Variants in VPS35L observed in about 807,000 individuals in gnomAD.
VPS35L encodes the protein VPS35 endosomal protein-sorting factor-like.
A neutral mutation model predicts 133.0 loss-of-function variants in VPS35L; 83 were observed. That is an observed-to-expected ratio of 0.62 (90% confidence interval 0.52 to 0.75). The LOEUF (loss-of-function observed/expected upper bound fraction) is 0.75, where lower values mean the gene tolerates loss of function less well. Among genes scored for constraint, VPS35L ranks in the 30% least tolerant of loss-of-function variants. The pLI, the probability that VPS35L is intolerant of heterozygous loss-of-function variation, is 0.00. For missense variants in VPS35L, 1,083 were observed against 1,206.8 expected (o/e 0.90, Z 1.52); for synonymous variants, 423 against 449.9 (o/e 0.94, Z 0.76).
At chr16:19,613,157 G>T (rs994692069) in intron 12 of VPS35L, among the ~76,000 whole-genome samples, 4 of 152,114 alleles carry the variant, frequency 2.6e-5, no homozygotes, top group Admixed American at 6.6e-5. Flanking sequence ...CAAAAAATTA[G>T]CCGGGCGTGG....
rs1218260142 is a variant in VPS35L, at chr16:19,669,282, A to G, written c.2344A>G (p.Thr782Ala). 3.7e-6 allele frequency: 6 copies of G among 1,611,438 alleles called. No homozygotes were observed. Among genetic ancestry groups the G allele is most frequent in the Middle Eastern group, 1.7e-4 (1 of 6,050 alleles). The stretch of plus-strand genomic sequence containing the variant: ...GGAATTCCTCTGCAATTTCTTTTCT[A>G]CTTTATTAATAGTTCCGGTACGTTT... ...LLEFLCNFFS[T>A]LLIVPDHPEH... is the part of the protein sequence containing the mutation. Residue 782 changes from threonine (T) to alanine (A), a missense_variant, in exon 27 of 31, where the codon ACT (threonine) becomes GCT (alanine). Physicochemically the swap from Thr to Ala is moderately conservative, Grantham distance 58. Coordinates refer to ENST00000417362, the MANE Select transcript of VPS35L (RefSeq NM_020314.7).
chr16:19,634,435 A>G (rs796860269), intron 19 of VPS35L, among the ~76,000 whole-genome samples: 3 of 142,304 alleles, frequency 2.1e-5, no homozygotes, highest in Non-Finnish European at 4.6e-5. Context: ...AAAAAAAAAA[A>G]CCCACTAATG....
intron 23 of VPS35L, among the ~76,000 whole-genome samples, chr16:19,647,158 C>T (rs1262405091): frequency 6.6e-6 from 1 of 152,180 alleles, no homozygotes; most frequent in Non-Finnish European, 1.5e-5. Flanking sequence ...TCCCAAGTCG[C>T]TCTCCTTTGC....
chr16:19,580,029 G>A (rs529901946), intron 6 of VPS35L, among the ~76,000 whole-genome samples: 330 of 150,628 alleles, frequency 2.2e-3, no homozygotes, highest in Non-Finnish European at 3.2e-3. Context: ...GTGAAACCCC[G>A]TCTCTACTAA....
chr16:19,577,634 A>G (rs746700769), intron 5 of VPS35L, among the ~76,000 whole-genome samples: 7 of 151,418 alleles, frequency 4.6e-5, no homozygotes, highest in Non-Finnish European at 2.9e-5. Flanking sequence ...GCCTAACCCC[A>G]CTCCCCTGCC....
At chr16:19,634,721 ACC>A (rs1391872431) in intron 19 of VPS35L, among the ~76,000 whole-genome samples, 1 of 152,210 alleles carries the variant, frequency 6.6e-6, no homozygotes, top group Non-Finnish European at 1.5e-5. Context: ...GTGTATGCTA[ACC>A]CTGGGAAGAA....
chr16:19,570,752 A>G (rs1971334975), intron 3 of VPS35L, among the ~76,000 whole-genome samples: 2 of 149,666 alleles, frequency 1.3e-5, no homozygotes, highest in African/African-American at 4.9e-5. Flanking sequence ...TAGAGATAAC[A>G]AGTCACATCC....
intron 28 of VPS35L, among the ~76,000 whole-genome samples, chr16:19,684,308 A>G (rs895380066): frequency 6.6e-6 from 1 of 152,172 alleles, no homozygotes. Flanking sequence ...GGATTCCAAA[A>G]ATTGGTCTTA....
intron 14 of VPS35L, among the ~76,000 whole-genome samples, chr16:19,618,487 A>G (rs1014911157): frequency 1.2e-4 from 18 of 152,196 alleles, no homozygotes; most frequent in Non-Finnish European, 2.4e-4. Flanking sequence ...TGATCTGTAC[A>G]TACTGACGTA....
At chr16:19,634,595 G>A (rs569638442) in intron 19 of VPS35L, among the ~76,000 whole-genome samples, 4 of 152,258 alleles carry the variant, frequency 2.6e-5, no homozygotes, top group African/African-American at 9.6e-5. Flanking sequence ...ATGCTGAATA[G>A]ATAAATAGAT....
At chr16:19,679,487 A>G (rs1231560035) in intron 27 of VPS35L, among the ~76,000 whole-genome samples, 1 of 132,172 alleles carries the variant, frequency 7.6e-6, no homozygotes, top group Non-Finnish European at 1.6e-5. Flanking sequence ...TTATTTATTT[A>G]TTTATTTATT....
At chr16:19,570,095 C>T (rs1971314943) in intron 3 of VPS35L, among the ~76,000 whole-genome samples, 1 of 151,912 alleles carries the variant, frequency 6.6e-6, no homozygotes. Context: ...TTTTTTCAGA[C>T]AGCCTTGCTG....
At chr16:19,597,714 T>C (rs556739358) in intron 8 of VPS35L, among the ~76,000 whole-genome samples, 1 of 152,298 alleles carries the variant, frequency 6.6e-6, no homozygotes, top group East Asian at 1.9e-4. Context: ...TGAATAATAT[T>C]CCTCAGGACT....
intron 18 of VPS35L, among the ~76,000 whole-genome samples, chr16:19,630,427 G>A (rs991048645): frequency 4.9e-5 from 7 of 143,634 alleles, no homozygotes; most frequent in East Asian, 2.1e-4. Context: ...TCCGCCTCCC[G>A]GGTTCACGCC....
At chr16:19,630,743 C>T (rs557401472) in intron 18 of VPS35L, among the ~76,000 whole-genome samples, 1 of 152,122 alleles carries the variant, frequency 6.6e-6, no homozygotes, top group East Asian at 1.9e-4. Context: ...GGAGGTGGAG[C>T]CTAGGTCATG....
rs374565918 is a variant in VPS35L, at chr16:19,569,167, A to G, written c.118-257A>G. 2.6e-4 allele frequency: 169 copies of G among 645,358 alleles called. No homozygotes were observed. The African/African-American group carries it at 2.8e-3, about 11-fold the overall frequency. 40.0% of individuals were successfully genotyped at this position (645,358 alleles called of 1,614,324 possible). On this transcript the variant is annotated intron_variant, in intron 2 of 30. Coordinates refer to ENST00000417362, the MANE Select transcript of VPS35L (RefSeq NM_020314.7). ...ATAGGGAACCCCAGGTGCTGTAGCC[A>G]TCTCAGTCCAGTGACCTCTCAATTA...
rs1976104225 is a variant in VPS35L, at chr16:19,700,740, A to G, written c.*264A>G. On this transcript the variant is annotated 3_prime_UTR_variant, in exon 31 of 31. Coordinates refer to ENST00000417362, the MANE Select transcript of VPS35L (RefSeq NM_020314.7). Reference sequence around the variant, plus strand: ...AGTGGCCTTCGGTCTACTCAGCCCGATCTGATGGGCCTTTTTAGCAAGAGA... The same window carrying G: ...AGTGGCCTTCGGTCTACTCAGCCCGGTCTGATGGGCCTTTTTAGCAAGAGA... 2.5e-6 allele frequency: 1 copy of G among 405,528 alleles called. No homozygotes were observed. The highest frequency in any genetic ancestry group is 4.4e-6 in the Non-Finnish European group (1 of 227,110). 25.1% of individuals were successfully genotyped at this position (405,528 alleles called of 1,614,324 possible). A position where few individuals can be genotyped will look rare whatever the true frequency, so the allele number is the denominator to read the frequency against.
chr16:19,578,411 A>G, intron 5 of VPS35L: 1 of 415,254 alleles, frequency 2.4e-6, no homozygotes, highest in South Asian at 1.8e-5. Context: ...CCCCCTAAAG[A>G]TGGGGGAAGG....
chr16:19,602,419 C>T (rs1487535677), intron 9 of VPS35L, among the ~76,000 whole-genome samples: 1 of 152,056 alleles, frequency 6.6e-6, no homozygotes, highest in Admixed American at 6.6e-5. Context: ...AGTGGGGCTT[C>T]CCAGGAGGTG....
Sources: allele counts gnomAD v4.1 joint callset (sites outside exome capture counted in the v4.1 genomes callset), GRCh38; gene constraint gnomAD v4.1.1; transcripts MANE v1.5; gene names NCBI Gene and HGNC (gene_info 2026-07-23, HGNC 2026-07-21).